The following YBEY variants were observed in gnomAD, a reference collection of about 807,000 sequenced individuals.
YBEY encodes the protein endoribonuclease YbeY.
In YBEY, 15 loss-of-function variants were observed where a neutral mutation model predicts 13.5. The ratio of observed to expected loss-of-function variants is 1.11; its 90% CI spans 0.75 to 1.72. The LOEUF (loss-of-function observed/expected upper bound fraction) is 1.72, where lower values mean the gene tolerates loss of function less well. Among genes scored for constraint, YBEY ranks in the 40% most tolerant of loss-of-function variants. YBEY has a pLI of 0.00. For missense variants in YBEY, 244 were observed against 208.4 expected (o/e 1.17, Z -1.05); for synonymous variants, 101 against 83.1 (o/e 1.21, Z -1.17).
At chr21:46,287,878 G>GT (rs2081525492) in intron 2 of YBEY, among the ~76,000 whole-genome samples, 1 of 151,940 alleles carries the variant, frequency 6.6e-6, no homozygotes, top group Admixed American at 6.6e-5. Flanking sequence ...GGGAGGTGGA[G>GT]GGGGGCACCT....
the YBEY span, among the ~76,000 whole-genome samples, chr21:46,307,954 A>T: frequency 6.6e-6 from 1 of 152,168 alleles, no homozygotes; most frequent in Non-Finnish European, 1.5e-5. Context: ...TACTAGTGAG[A>T]ATATTAAATG....
chr21:46,302,362 G>C (rs896133236), downstream of YBEY: 1 of 1,084,436 alleles, frequency 9.2e-7, no homozygotes, highest in Non-Finnish European at 1.3e-6. Flanking sequence ...GGGCTTCACA[G>C]CCAGACTGTA....
the YBEY span, among the ~76,000 whole-genome samples, chr21:46,304,421 G>A: frequency 2.6e-5 from 4 of 151,852 alleles, no homozygotes; most frequent in East Asian, 7.8e-4. Flanking sequence ...CAGAAGTTGA[G>A]GCTGCAGCGA....
chr21:46,292,289 G>C (rs1354874253), intron 3 of YBEY: 1 of 152,240 alleles, frequency 6.6e-6, no homozygotes, highest in African/African-American at 2.4e-5. Flanking sequence ...CTGAGCAGTA[G>C]GGAATTACAG....
downstream of YBEY, among the ~76,000 whole-genome samples, chr21:46,298,434 C>CTTTTTGTTTTTTTTTTTTTTT (rs2082019008): frequency 2.1e-5 from 2 of 97,160 alleles, no homozygotes; most frequent in African/African-American, 3.6e-5. Flanking sequence ...TTAATCCAAG[C>CTTTTTGTTTTTTTTTTTTTTT]TTTTTTTTTT....
the YBEY span, among the ~76,000 whole-genome samples, chr21:46,306,510 T>A: frequency 3.3e-5 from 5 of 149,752 alleles, no homozygotes; most frequent in African/African-American, 1.0e-4. Flanking sequence ...AAAAAAAAAA[T>A]CTTTTATGAA....
downstream of YBEY, chr21:46,302,132 C>T (rs540743590): frequency 1.3e-6 from 2 of 1,510,346 alleles, no homozygotes; most frequent in African/African-American, 2.8e-5. Context: ...TCGTGGGACC[C>T]TCGGGGGCAC....
intron 4 of YBEY, 114 bp from the exon 5 acceptor site, chr21:46,297,425 C>A: frequency 9.6e-7 from 1 of 1,036,506 alleles, no homozygotes; most frequent in Non-Finnish European, 1.3e-6. Flanking sequence ...TAGAGCCGCG[C>A]GGGCGGCCGG....
At chr21:46,297,257 TCCTCCC>T (rs2081981628) in intron 4 of YBEY, among the ~76,000 whole-genome samples, 2 of 124,266 alleles carry the variant, frequency 1.6e-5, no homozygotes, top group African/African-American at 6.0e-5. Flanking sequence ...CCTCCTCCCC[TCCTCCC>T]CCTTCCCTTC....
chr21:46,291,615 G>A, intron 3 of YBEY, 153 bp downstream of exon 3: 2 of 1,452,938 alleles, frequency 1.4e-6, no homozygotes, highest in Non-Finnish European at 1.8e-6. Context: ...GAGCACCCAG[G>A]CTGGGTAGGG....
rs757671355 is a variant in YBEY, at chr21:46,287,051, T to A, written c.138T>A (p.Asn46Lys). ...DLGIICVDNKNIQHINRIYRD... is the reference protein window; with the variant it reads ...DLGIICVDNKKIQHINRIYRD... ...GGATCATCTGTGTTGACAACAAGAA[T>A]ATTCAGCACATTAATAGAATCTACA... Residue 46 changes from asparagine to lysine, a missense_variant, in exon 2 of 5, where the codon AAT (asparagine) becomes AAA (lysine). Asn to Lys is a moderately conservative substitution (Grantham distance 94). Transcript: ENST00000397701. The A allele has an allele frequency of 1.2e-6, 2 of 1,613,832 alleles. No homozygotes were observed. The highest frequency in any genetic ancestry group is 2.2e-5 in the East Asian group (1 of 44,860).
the YBEY span, among the ~76,000 whole-genome samples, chr21:46,304,219 A>C: frequency 1.3e-5 from 2 of 151,266 alleles, no homozygotes; most frequent in Non-Finnish European, 2.9e-5. Context: ...TTTAGTAGAG[A>C]TGGGGTTTCA....
intron 4 of YBEY, 66 bp downstream of exon 4, chr21:46,296,296 G>C (rs2081949754): frequency 6.4e-7 from 1 of 1,572,420 alleles, no homozygotes; most frequent in Admixed American, 1.7e-5. Flanking sequence ...CCAGGCCCCT[G>C]CCAGCCCCCA....
chr21:46,293,426 C>G (rs1229810812), intron 3 of YBEY, among the ~76,000 whole-genome samples: 18 of 33,884 alleles, frequency 5.3e-4, no homozygotes, highest in Non-Finnish European at 6.9e-4. Flanking sequence ...GTGCCCGGGA[C>G]TCAGTGGAGT....
downstream of YBEY, among the ~76,000 whole-genome samples, chr21:46,298,000 C>T (rs931225935): frequency 2.0e-4 from 30 of 152,124 alleles, no homozygotes; most frequent in Admixed American, 7.2e-4. Context: ...CTTTTACCTC[C>T]TGAGTATTGG....
At chr21:46,302,379 A>G (rs896892263), downstream of YBEY, 16 of 1,095,404 alleles carry the variant, frequency 1.5e-5, no homozygotes, top group Admixed American at 3.4e-4. Context: ...TGTAGACCTG[A>G]GCCAGGAATG....
downstream of YBEY, among the ~76,000 whole-genome samples, chr21:46,298,433 G>GATTTTTTTTTTTTTTT: frequency 1.5e-5 from 1 of 67,238 alleles, no homozygotes; most frequent in Non-Finnish European, 3.6e-5. Flanking sequence ...TTTAATCCAA[G>GATTTTTTTTTTTTTTT]CTTTTTTTTT....
chr21:46,296,095 G>A, intron 3 of YBEY, 67 bp from the exon 4 acceptor site: 1 of 1,575,168 alleles, frequency 6.3e-7, no homozygotes, highest in Non-Finnish European at 8.7e-7. Flanking sequence ...TGTGGCCCTG[G>A]GGTGGCCCTG....
rs569921945 is a variant in YBEY at position 46,297,058 on chromosome 21, G to C, written c.409-481G>C. ...TCACGCCTGTAATCCCAGCACTTTGGGAGGCCGAGGAGGGTGGATCACTTG... is the reference window on the plus strand; with the variant it reads ...TCACGCCTGTAATCCCAGCACTTTGCGAGGCCGAGGAGGGTGGATCACTTG... On this transcript the variant is annotated intron_variant, in intron 4 of 4. Coordinates refer to ENST00000397701, the MANE Select transcript of YBEY (RefSeq NM_001314025.2). Among the ~76,000 whole-genome samples, 21 of 152,304 alleles carry C rather than the reference G, an allele frequency of 1.4e-4. No individual in the cohort carries two copies. In the South Asian group the frequency reaches 4.2e-3, roughly 30 times the overall value.
Sources: gnomAD v4.1 joint callset for allele counts (sites outside exome capture counted in the v4.1 genomes callset) on GRCh38, gnomAD v4.1.1 for gene constraint, MANE v1.5 for transcripts, NCBI Gene and HGNC (gene_info 2026-07-23, HGNC 2026-07-21) for gene names.